VWA2: variants seen among roughly 807,000 people sequenced by gnomAD.
VWA2 encodes the protein von Willebrand factor A domain containing 2, also known as von Willebrand factor A domain-containing protein 2.
In VWA2, 73 loss-of-function variants were observed where a neutral mutation model predicts 70.4. The ratio of observed to expected loss-of-function variants is 1.04; its 90% CI spans 0.86 to 1.26. The LOEUF (loss-of-function observed/expected upper bound fraction) is 1.26, where lower values mean the gene tolerates loss of function less well. Among genes scored for constraint, VWA2 ranks in the 50% most tolerant of loss-of-function variants. VWA2 has a pLI of 0.00. For synonymous variants in VWA2, 407 were observed against 423.3 expected (o/e 0.96, Z 0.47); for missense variants, 1,011 against 998.5 (o/e 1.01, Z -0.17).
intron 2 of VWA2, among the ~76,000 whole-genome samples, chr10:114,250,982 C>T (rs993717572): frequency 2.0e-5 from 3 of 152,242 alleles, no homozygotes; most frequent in African/African-American, 4.8e-5. Flanking sequence ...CAAGGTCACA[C>T]AGCTATGTAG....
intron 11 of VWA2, among the ~76,000 whole-genome samples, chr10:114,286,721 T>C (rs995892453): frequency 1.3e-5 from 2 of 152,202 alleles, no homozygotes; most frequent in African/African-American, 4.8e-5. Flanking sequence ...AGATCTTTAG[T>C]GAGAATTAGG....
At chr10:114,243,911 G>C (rs2037017636) in intron 1 of VWA2, among the ~76,000 whole-genome samples, 1 of 152,236 alleles carries the variant, frequency 6.6e-6, no homozygotes, top group Middle Eastern at 3.2e-3. Context: ...GCCACACTCT[G>C]TTGAGGAGAT....
rs1420510758 is a variant in VWA2 at position 114,293,659 on chromosome 10, C to T, written c.*2422C>T. On this transcript the variant is annotated 3_prime_UTR_variant, in exon 14 of 14. Transcript: ENST00000392982. ...TTCAAATAAGACAGAAATATATTTTCCTTGCAATAATTAAAACATTGCATA... is the reference window on the plus strand; with the variant it reads ...TTCAAATAAGACAGAAATATATTTTTCTTGCAATAATTAAAACATTGCATA... Among the ~76,000 whole-genome samples, 3 of 152,134 alleles carry T rather than the reference C, an allele frequency of 2.0e-5. No homozygotes were observed. The highest frequency in any genetic ancestry group is 4.4e-5 in the Non-Finnish European group (3 of 68,018).
chr10:114,249,583 T>C (rs2037150939), intron 2 of VWA2, among the ~76,000 whole-genome samples: 1 of 152,184 alleles, frequency 6.6e-6, no homozygotes, highest in African/African-American at 2.4e-5. Context: ...AGTGAGAATA[T>C]GCGGTGTTTG....
intron 1 of VWA2, 55 bp from the exon 2 acceptor site, chr10:114,248,649 G>T (rs2037127705): frequency 6.7e-7 from 1 of 1,482,262 alleles, no homozygotes; most frequent in African/African-American, 1.4e-5. Context: ...GTGTGACTTG[G>T]GGCGTTCACA....
intron 3 of VWA2, among the ~76,000 whole-genome samples, chr10:114,253,950 G>GA (rs1320612970): frequency 2.0e-5 from 3 of 151,906 alleles, no homozygotes; most frequent in African/African-American, 7.2e-5. Context: ...GCTGAGGCAG[G>GA]AGAATTGCTT....
In VWA2 at chr10:114,282,681, C is replaced by T. The variant is rs534567378; in HGVS notation, c.889+110C>T. 7 of 928,032 alleles carry T rather than the reference C, an allele frequency of 7.5e-6. No individual in the cohort carries two copies. The Admixed American group carries it at 1.1e-4, about 15-fold the overall frequency. The allele number at this position is 928,032 out of a possible 1,614,324, so 57.5% of individuals were successfully genotyped here. ...CAGAGGGTGGGGTTGTGACTGGCTCCAGGGCAGAGGGATGGGGCACTTGGG... is the reference window on the plus strand; with the variant it reads ...CAGAGGGTGGGGTTGTGACTGGCTCTAGGGCAGAGGGATGGGGCACTTGGG... On this transcript the variant is annotated intron_variant, in intron 9 of 13. Transcript: ENST00000392982.
intron 9 of VWA2, among the ~76,000 whole-genome samples, chr10:114,283,205 T>C (rs1436229615): frequency 1.3e-5 from 2 of 152,080 alleles, no homozygotes; most frequent in Non-Finnish European, 2.9e-5. Context: ...GATTTGTTAC[T>C]CCCGATGAGT....
At chr10:114,285,752 C>A (rs917697326) in intron 10 of VWA2, among the ~76,000 whole-genome samples, 187 bp from the exon 11 acceptor site, 1 of 152,210 alleles carries the variant, frequency 6.6e-6, no homozygotes, top group Admixed American at 6.5e-5. Flanking sequence ...AGACCCTTAG[C>A]GAGTGCCAGG....
chr10:114,271,241 T>G (rs987583298), intron 5 of VWA2, among the ~76,000 whole-genome samples: 2 of 152,186 alleles, frequency 1.3e-5, no homozygotes, highest in East Asian at 3.8e-4. Flanking sequence ...AAGTAAATTT[T>G]TAACCCATGC....
Position 114,258,547 on chromosome 10 carries a change from G to C in VWA2, c.262-2639G>C, listed in dbSNP as rs117922319. ...AATTAAACAAAATGCTTTAACTACT[G>C]ACTTAAGCTGCTTCCTTCTTGTTTT... is the stretch of plus-strand genomic sequence containing the variant. On this transcript the variant is annotated intron_variant, in intron 4 of 13. Coordinates refer to ENST00000392982, the MANE Select transcript of VWA2 (RefSeq NM_001272046.2). 2.0e-5 allele frequency among the ~76,000 whole-genome samples: 3 copies of C among 152,306 alleles called. No homozygotes were observed. The East Asian group carries it at 5.8e-4, about 29-fold the overall frequency.
chr10:114,285,890 A>G (rs776548297), intron 10 of VWA2, 49 bp from the exon 11 acceptor site: 5 of 1,517,936 alleles, frequency 3.3e-6, no homozygotes, highest in East Asian at 2.3e-5. Flanking sequence ...GACAGCTCGC[A>G]TGCCGCATGA....
At chr10:114,280,130 T>G (rs113526254) in intron 8 of VWA2, among the ~76,000 whole-genome samples, 6,250 of 152,164 alleles carry the variant, frequency 0.041, 343 homozygotes, top group African/African-American at 0.13. Context: ...GCCCTACAGG[T>G]TTGTTGAGAA....
intron 3 of VWA2, 39 bp downstream of exon 3, chr10:114,253,764 C>G: frequency 1.3e-6 from 2 of 1,571,364 alleles, no homozygotes; most frequent in Admixed American, 1.7e-5. Context: ...GATGCCCACT[C>G]AGACCTCTGT....
At chr10:114,278,316 G>A (rs1316297930) in intron 7 of VWA2, among the ~76,000 whole-genome samples, 1 of 152,174 alleles carries the variant, frequency 6.6e-6, no homozygotes, top group Middle Eastern at 3.2e-3. Flanking sequence ...CCCTGCTCAA[G>A]AGACAGAGCC....
At position 114,272,734 on chromosome 10, in the gene VWA2, G is replaced by A; in HGVS notation, c.372-6G>A. The A allele has an allele frequency of 6.3e-7, 1 of 1,595,062 alleles. No homozygotes were observed. The highest frequency in any genetic ancestry group is 1.3e-5 in the African/African-American group (1 of 74,596). ...TTCTTTCTTTTTTCCTTCTGGGTGT[G>A]CACAGAGGAGGGCGCACGGAGACGG... On this transcript the variant is annotated splice_region_variant and splice_polypyrimidine_tract_variant and intron_variant, in intron 5 of 13. Transcript: ENST00000392982.
intron 2 of VWA2, among the ~76,000 whole-genome samples, chr10:114,252,747 C>T (rs1212662982): frequency 6.6e-6 from 1 of 152,088 alleles, no homozygotes; most frequent in Admixed American, 6.5e-5. Flanking sequence ...TATAGGCGCC[C>T]GCCAGCACAC....
At chr10:114,279,751 G>A (rs908892617) in intron 8 of VWA2, among the ~76,000 whole-genome samples, 4 of 152,226 alleles carry the variant, frequency 2.6e-5, no homozygotes, top group Non-Finnish European at 5.9e-5. Context: ...CAGGCAATGT[G>A]CAATAAGAAG....
chr10:114,259,314 G>A (rs1282246114), intron 4 of VWA2, among the ~76,000 whole-genome samples: 1 of 152,050 alleles, frequency 6.6e-6, no homozygotes, highest in African/African-American at 2.4e-5. Context: ...CAAATCCTTT[G>A]CCCATTTTCT....
Sources: allele counts gnomAD v4.1 joint callset (sites outside exome capture counted in the v4.1 genomes callset), GRCh38; gene constraint gnomAD v4.1.1; transcripts MANE v1.5; gene names NCBI Gene and HGNC (gene_info 2026-07-23, HGNC 2026-07-21).